DPP10: variants seen among roughly 807,000 people sequenced by gnomAD.
DPP10 encodes inactive dipeptidyl peptidase 10.
In DPP10, 33 loss-of-function variants were observed where a neutral mutation model predicts 120.9. That is an observed-to-expected ratio of 0.27 (90% CI 0.21 to 0.37). DPP10 has a LOEUF of 0.37. Ranked by LOEUF, DPP10 falls within the 10% of genes least tolerant of loss-of-function variation. DPP10 has a pLI of 1.00. For synonymous variants in DPP10, 337 were observed against 326.1 expected (o/e 1.03, Z -0.36); for missense variants, 816 against 942.8 (o/e 0.87, Z 1.76).
chr2:115,259,927 C>T (rs1027002036), intron 1 of DPP10, among the ~76,000 whole-genome samples: 8 of 151,676 alleles, frequency 5.3e-5, no homozygotes, highest in Admixed American at 1.3e-4. Flanking sequence ...ATCTAATAGT[C>T]GTTATAGGTC....
intron 2 of DPP10, among the ~76,000 whole-genome samples, chr2:115,326,356 C>G (rs1469158417): frequency 1.3e-5 from 2 of 152,022 alleles, no homozygotes; most frequent in African/African-American, 4.8e-5. Flanking sequence ...AGTAAACCTA[C>G]TGTGTTGCCT....
intron 1 of DPP10, among the ~76,000 whole-genome samples, chr2:115,057,539 GA>G (rs952812216): frequency 2.0e-5 from 3 of 152,204 alleles, no homozygotes; most frequent in African/African-American, 7.2e-5. Context: ...CTAAGATGGT[GA>G]ATTGCTTTTT....
intron 3 of DPP10, among the ~76,000 whole-genome samples, chr2:115,455,736 A>G (rs2073475953): frequency 6.6e-6 from 1 of 152,142 alleles, no homozygotes; most frequent in Admixed American, 6.5e-5. Flanking sequence ...CTATTTAATA[A>G]ATGGTGTTGG....
chr2:115,722,366 C>T (rs2149614377), intron 7 of DPP10, among the ~76,000 whole-genome samples: 1 of 151,888 alleles, frequency 6.6e-6, no homozygotes, highest in East Asian at 2.0e-4. Flanking sequence ...AAAAGGCAAA[C>T]ACAGATCCTT....
chr2:114,697,186 G>A (rs1273759470), intron 1 of DPP10, among the ~76,000 whole-genome samples: 1 of 151,994 alleles, frequency 6.6e-6, no homozygotes, highest in Non-Finnish European at 1.5e-5. Context: ...CAACCACTTT[G>A]CAGAAAAGTT....
At chr2:115,013,084 A>G (rs1290899801) in intron 1 of DPP10, among the ~76,000 whole-genome samples, 1 of 152,126 alleles carries the variant, frequency 6.6e-6, no homozygotes, top group East Asian at 1.9e-4. Context: ...CAGTTTCTTC[A>G]TAGTGTCGAT....
At chr2:115,378,880 C>G (rs1485733420) in intron 3 of DPP10, among the ~76,000 whole-genome samples, 2 of 152,100 alleles carry the variant, frequency 1.3e-5, no homozygotes, top group Non-Finnish European at 2.9e-5. Context: ...ATTGAACCAG[C>G]CTTGCATCCC....
chr2:115,367,983 T>G (rs2065177789), intron 3 of DPP10, among the ~76,000 whole-genome samples: 1 of 152,196 alleles, frequency 6.6e-6, no homozygotes, highest in African/African-American at 2.4e-5. Flanking sequence ...GGTGTGTGTT[T>G]AGGTTCATGT....
In DPP10 at chr2:114,469,517, C is replaced by T. The variant is rs368131188; in HGVS notation, c.60+26679C>T. On this transcript the variant is annotated intron_variant, in intron 1 of 25. Coordinates refer to ENST00000410059, the MANE Select transcript of DPP10 (RefSeq NM_020868.6). ...AGGTGGAGGCAGGCAGATAACCATA[C>T]AGGAGTTTCAGACCAGGTTGGCCAA... 4.6e-5 allele frequency among the ~76,000 whole-genome samples: 7 copies of T among 152,054 alleles called. No homozygotes were observed. In the East Asian group the frequency reaches 1.4e-3, roughly 29 times the overall value.
intron 4 of DPP10, among the ~76,000 whole-genome samples, chr2:115,520,462 T>G (rs563281405): frequency 6.6e-6 from 1 of 152,146 alleles, no homozygotes; most frequent in Non-Finnish European, 1.5e-5. Flanking sequence ...CTGTTAAAAA[T>G]GTACCCATCT....
chr2:115,683,642 G>A (rs1014053120), intron 5 of DPP10, among the ~76,000 whole-genome samples: 1 of 151,640 alleles, frequency 6.6e-6, no homozygotes, highest in African/African-American at 2.4e-5. Context: ...ATTTTGCTGT[G>A]AACCTAAAAG....
chr2:115,674,311 G>C (rs963170212), intron 5 of DPP10, among the ~76,000 whole-genome samples: 4 of 151,044 alleles, frequency 2.6e-5, no homozygotes, highest in Non-Finnish European at 5.9e-5. Flanking sequence ...CAGTTTTCTA[G>C]TGTCAACATG....
At chr2:115,654,239 A>T in intron 5 of DPP10, among the ~76,000 whole-genome samples, 1 of 152,014 alleles carries the variant, frequency 6.6e-6, no homozygotes, top group East Asian at 1.9e-4. Flanking sequence ...ATAAATTCTA[A>T]GTATACACGA....
chr2:115,238,835 A>G (rs1279090193), intron 1 of DPP10, among the ~76,000 whole-genome samples: 1 of 152,174 alleles, frequency 6.6e-6, no homozygotes, highest in African/African-American at 2.4e-5. Context: ...GGAGATATAT[A>G]TGTATATATA....
chr2:115,611,311 T>C (rs1484383324), intron 5 of DPP10, among the ~76,000 whole-genome samples: 1 of 152,226 alleles, frequency 6.6e-6, no homozygotes, highest in Non-Finnish European at 1.5e-5. Flanking sequence ...TCTTAATCTA[T>C]GCAATGAACA....
chr2:115,121,837 T>G (rs960338363), intron 1 of DPP10, among the ~76,000 whole-genome samples: 3 of 152,196 alleles, frequency 2.0e-5, no homozygotes, highest in Non-Finnish European at 4.4e-5. Context: ...ATTTGAGTAT[T>G]TCTTGTATAG....
chr2:114,745,212 A>C (rs1678463992), intron 1 of DPP10, among the ~76,000 whole-genome samples: 1 of 152,244 alleles, frequency 6.6e-6, no homozygotes, highest in Non-Finnish European at 1.5e-5. Context: ...AAACAGCTTC[A>C]GAGGTTTCAA....
intron 12 of DPP10, among the ~76,000 whole-genome samples, chr2:115,766,971 G>A (rs1316765594): frequency 2.0e-5 from 3 of 152,146 alleles, no homozygotes; most frequent in Non-Finnish European, 2.9e-5. Flanking sequence ...ATTTCAATAC[G>A]ACATGAGATT....
chr2:114,565,652 T>C (rs1419590422), intron 1 of DPP10, among the ~76,000 whole-genome samples: 2 of 152,264 alleles, frequency 1.3e-5, no homozygotes, highest in South Asian at 2.1e-4. Flanking sequence ...TGTCCTGGTG[T>C]GGACCTCTGC....
Sources: allele counts gnomAD v4.1 joint callset (sites outside exome capture counted in the v4.1 genomes callset), GRCh38; gene constraint gnomAD v4.1.1; transcripts MANE v1.5; gene names NCBI Gene and HGNC (gene_info 2026-07-23, HGNC 2026-07-21).